Variants in TNKS observed in about 807,000 individuals in gnomAD.
The protein encoded by TNKS is tankyrase.
In TNKS, 72 loss-of-function variants were observed where a neutral mutation model predicts 135.8. The observed-to-expected ratio is 0.53, with a 90% confidence interval of 0.44 to 0.64. TNKS has a LOEUF of 0.64. Ranked by LOEUF, TNKS falls within the 30% of genes least tolerant of loss-of-function variation. The probability of loss-of-function intolerance (pLI) is 0.00; values close to 1 mark genes in which losing one functional copy is unlikely to be tolerated. For missense variants in TNKS, 1,769 were observed against 1,674.0 expected, an observed-to-expected ratio of 1.06 and a Z score of -0.99; for synonymous variants, 849 against 649.3, an observed-to-expected ratio of 1.31 and a Z score of -4.68.
intron 2 of TNKS, among the ~76,000 whole-genome samples, chr8:9,593,620 C>G (rs1467255980): frequency 1.3e-5 from 2 of 152,158 alleles, no homozygotes; most frequent in African/African-American, 4.8e-5. Context: ...TAACTTACTC[C>G]TAAAGTAATA....
chr8:9,770,747 G>GTATT (rs1272847822), intron 26 of TNKS, among the ~76,000 whole-genome samples: 1 of 152,196 alleles, frequency 6.6e-6, no homozygotes, highest in African/African-American at 2.4e-5. Context: ...TATGAAAACA[G>GTATT]TATTTTATAC....
At chr8:9,570,304 G>A (rs186053426) in intron 1 of TNKS, among the ~76,000 whole-genome samples, 125 of 152,242 alleles carry the variant, frequency 8.2e-4, no homozygotes, top group African/African-American at 2.8e-3. Flanking sequence ...CTAGCCAGAT[G>A]TTGTGCTGTA....
intron 5 of TNKS, among the ~76,000 whole-genome samples, chr8:9,687,496 C>G (rs1803058767): frequency 6.6e-6 from 1 of 151,994 alleles, no homozygotes; most frequent in Non-Finnish European, 1.5e-5. Context: ...TTTTATTTTT[C>G]ATTAGGGAAT....
At chr8:9,772,526 C>A (rs985559665) in intron 26 of TNKS, 3 of 421,628 alleles carry the variant, frequency 7.1e-6, no homozygotes, top group Admixed American at 5.1e-5. Context: ...GCTAACTTTC[C>A]AGATTACATG....
At chr8:9,761,851 A>G (rs1483795413) in intron 21 of TNKS, among the ~76,000 whole-genome samples, 1 of 151,850 alleles carries the variant, frequency 6.6e-6, no homozygotes, top group Non-Finnish European at 1.5e-5. Context: ...TGTATCCTCA[A>G]TTTTTCTGGA....
chr8:9,767,182 G>T (rs987656358), intron 25 of TNKS, among the ~76,000 whole-genome samples: 2 of 152,124 alleles, frequency 1.3e-5, no homozygotes, highest in Non-Finnish European at 2.9e-5. Context: ...TATATAATTA[G>T]CCTTGGCAAC....
At chr8:9,758,866 A>T (rs939601670) in intron 20 of TNKS, among the ~76,000 whole-genome samples, 1 of 152,206 alleles carries the variant, frequency 6.6e-6, no homozygotes, top group African/African-American at 2.4e-5. Flanking sequence ...TGCACAGCTT[A>T]GTTGTGTCCT....
chr8:9,666,673 A>G (rs564945599), intron 3 of TNKS, among the ~76,000 whole-genome samples: 1 of 151,836 alleles, frequency 6.6e-6, no homozygotes, highest in South Asian at 2.1e-4. Context: ...GTGAGCCAAG[A>G]TGGTTGCATT....
intron 3 of TNKS, among the ~76,000 whole-genome samples, chr8:9,623,408 C>A: frequency 6.8e-6 from 1 of 146,850 alleles, no homozygotes; most frequent in Admixed American, 7.0e-5. Context: ...TATGAAGAAG[C>A]AAATATTGCC....
intron 2 of TNKS, among the ~76,000 whole-genome samples, chr8:9,590,832 C>G (rs1798564457): frequency 1.3e-5 from 2 of 152,142 alleles, no homozygotes; most frequent in Admixed American, 6.5e-5. Context: ...ATACTTTCTC[C>G]CATTCTTTGT....
In TNKS at chr8:9,778,331, C is replaced by G. The variant is rs1585465910; in HGVS notation, c.*1595C>G. On this transcript the variant is annotated 3_prime_UTR_variant, in exon 27 of 27. Transcript: ENST00000310430. ...AAACTTGCCATTGCAATTCAAAGCC[C>G]TGAAAACGATGGGTTTAATGCAAGG... 6.6e-6 allele frequency: 1 copy of G among 152,422 alleles called. No individual in the cohort carries two copies. The highest frequency in any genetic ancestry group is 1.9e-4 in the East Asian group (1 of 5,180). 9.4% of individuals were successfully genotyped at this position (152,422 alleles called of 1,614,324 possible).
At chr8:9,598,954 A>G (rs1378593462) in intron 2 of TNKS, among the ~76,000 whole-genome samples, 1 of 151,478 alleles carries the variant, frequency 6.6e-6, no homozygotes, top group Admixed American at 6.6e-5. Context: ...AGTGTTTCTC[A>G]TGTTTATCCC....
At chr8:9,605,042 A>C (rs141298199) in intron 2 of TNKS, among the ~76,000 whole-genome samples, 1 of 152,108 alleles carries the variant, frequency 6.6e-6, no homozygotes, top group African/African-American at 2.4e-5. Flanking sequence ...GTAATGAAAT[A>C]AAATGAATAT....
intron 3 of TNKS, among the ~76,000 whole-genome samples, chr8:9,635,173 G>GAAA (rs35383195): frequency 6.2e-5 from 8 of 129,236 alleles, no homozygotes; most frequent in Non-Finnish European, 1.2e-4. Flanking sequence ...CCGTCTCGGG[G>GAAA]AAAAAAAAAA....
rs899228523 is a variant in TNKS, at chr8:9,778,824, TAAGTA to T, written c.*2091_*2095del. On this transcript the variant is annotated 3_prime_UTR_variant, in exon 27 of 27. Coordinates refer to ENST00000310430, the MANE Select transcript of TNKS (RefSeq NM_003747.3). The stretch of plus-strand genomic sequence containing the variant: ...GGTAAACACAGCTGTGATTTTTAGT[TAAGTA>T]AAAGAGTTAATATGATATAGATATG... 12 of 152,192 alleles carry T rather than the reference TAAGTA, an allele frequency of 7.9e-5. No individual in the cohort carries two copies. Among genetic ancestry groups the T allele is most frequent in the African/African-American group, 2.7e-4 (11 of 41,452 alleles). The allele number at this position is 152,192 out of a possible 1,614,324, so 9.4% of individuals were successfully genotyped here.
intron 26 of TNKS, among the ~76,000 whole-genome samples, chr8:9,771,547 G>A (rs549647843): frequency 2.7e-4 from 39 of 141,826 alleles, no homozygotes; most frequent in Admixed American, 6.3e-4. Context: ...GACTGAGAGA[G>A]GAAGCAAGGG....
At chr8:9,624,182 T>C (rs959176798) in intron 3 of TNKS, among the ~76,000 whole-genome samples, 46 of 152,328 alleles carry the variant, frequency 3.0e-4, no homozygotes, top group Non-Finnish European at 4.4e-4. Flanking sequence ...AACTTGTTAG[T>C]GTATACTCTG....
chr8:9,702,349 AC>A (rs1201169566), intron 5 of TNKS, among the ~76,000 whole-genome samples: 1 of 152,214 alleles, frequency 6.6e-6, no homozygotes, highest in African/African-American at 2.4e-5. Context: ...AGAAAACTAT[AC>A]CAAGGCACAT....
At chr8:9,690,638 C>T (rs1359485512) in intron 5 of TNKS, among the ~76,000 whole-genome samples, 2 of 152,014 alleles carry the variant, frequency 1.3e-5, no homozygotes, top group Admixed American at 6.6e-5. Context: ...ACCTATAATC[C>T]TAGCTACACG....
Sources: allele counts gnomAD v4.1 joint callset (sites outside exome capture counted in the v4.1 genomes callset), GRCh38; gene constraint gnomAD v4.1.1; transcripts MANE v1.5; gene names NCBI Gene and HGNC (gene_info 2026-07-23, HGNC 2026-07-21).